Variants in EIF4EBP2 observed in about 807,000 individuals in gnomAD.
EIF4EBP2 encodes eukaryotic translation initiation factor 4E-binding protein 2.
In EIF4EBP2, 5 loss-of-function variants were observed where a neutral mutation model predicts 10.3. That is an observed-to-expected ratio of 0.48 (90% CI 0.25 to 1.02). EIF4EBP2 has a LOEUF of 1.02. Among genes scored for constraint, EIF4EBP2 ranks in the 50% least tolerant of loss-of-function variants. The probability of loss-of-function intolerance (pLI) is 0.15; values close to 1 mark genes in which losing one functional copy is unlikely to be tolerated. For missense variants in EIF4EBP2, 188 were observed against 162.2 expected (o/e 1.16, Z -0.86); for synonymous variants, 67 against 61.1 (o/e 1.10, Z -0.45).
At chr10:70,410,915 G>C (rs921186450) in intron 1 of EIF4EBP2, among the ~76,000 whole-genome samples, 11 of 152,152 alleles carry the variant, frequency 7.2e-5, no homozygotes, top group Admixed American at 6.5e-4. Context: ...TTAATTCAAT[G>C]TCTAGGCTTG....
intron 1 of EIF4EBP2, among the ~76,000 whole-genome samples, chr10:70,408,625 G>A (rs1845009103): frequency 6.6e-6 from 1 of 152,230 alleles, no homozygotes; most frequent in Non-Finnish European, 1.5e-5. Context: ...CAACCAGGGT[G>A]CAATAGTTTG....
intron 1 of EIF4EBP2, among the ~76,000 whole-genome samples, chr10:70,405,035 C>G (rs772926001): frequency 1.3e-5 from 2 of 152,230 alleles, no homozygotes; most frequent in Admixed American, 1.3e-4. Context: ...CGGGAGGAGG[C>G]TGGAATGCGG....
At chr10:70,411,337 C>T (rs975244077) in intron 1 of EIF4EBP2, among the ~76,000 whole-genome samples, 3 of 151,928 alleles carry the variant, frequency 2.0e-5, no homozygotes, top group African/African-American at 7.3e-5. Flanking sequence ...ATTGTCCTTT[C>T]GTAAATGAAC....
Position 70,421,803 on chromosome 10 carries a change from T to C in EIF4EBP2, c.*56T>C. On this transcript the variant is annotated 3_prime_UTR_variant, in exon 3 of 3. Coordinates refer to ENST00000373218, the MANE Select transcript of EIF4EBP2 (RefSeq NM_004096.5). ...AACACTGATACTTGTGTGCACCTGATTTGGCCAATAGGATCAACAGTGAAA... is the reference window on the plus strand; with the variant it reads ...AACACTGATACTTGTGTGCACCTGACTTGGCCAATAGGATCAACAGTGAAA... The C allele has an allele frequency of 1.3e-6, 2 of 1,567,822 alleles. No homozygotes were observed. The highest frequency in any genetic ancestry group is 2.2e-5 in the South Asian group (2 of 89,592).
chr10:70,414,105 GA>G (rs1338054157), intron 1 of EIF4EBP2, among the ~76,000 whole-genome samples: 17 of 152,148 alleles, frequency 1.1e-4, no homozygotes, highest in Non-Finnish European at 2.5e-4. Flanking sequence ...TTTTTTAATA[GA>G]TTGTCTTGGA....
chr10:70,419,757 T>C (rs1193743964), intron 1 of EIF4EBP2, among the ~76,000 whole-genome samples, 157 bp from the exon 2 acceptor site: 1 of 152,172 alleles, frequency 6.6e-6, no homozygotes, highest in Non-Finnish European at 1.5e-5. Context: ...CAGAAGAGCC[T>C]GTTTACAGGC....
chr10:70,416,098 T>G (rs1270117965), intron 1 of EIF4EBP2, among the ~76,000 whole-genome samples: 1 of 152,158 alleles, frequency 6.6e-6, no homozygotes, highest in Non-Finnish European at 1.5e-5. Flanking sequence ...AGAAGATATG[T>G]GGTGGAATGG....
Position 70,421,996 on chromosome 10 carries a change from G to C in EIF4EBP2, c.*249G>C. 1 of 486,734 alleles carries C rather than the reference G, an allele frequency of 2.1e-6. No homozygotes were observed. Among genetic ancestry groups the C allele is most frequent in the South Asian group, 3.9e-5 (1 of 25,432 alleles). 30.2% of individuals were successfully genotyped at this position (486,734 alleles called of 1,614,324 possible). A position where few individuals can be genotyped will look rare whatever the true frequency, so the allele number is the denominator to read the frequency against. On this transcript the variant is annotated 3_prime_UTR_variant, in exon 3 of 3. Coordinates refer to ENST00000373218, the MANE Select transcript of EIF4EBP2 (RefSeq NM_004096.5). ...GATTGAAGGCCCTTGCTGTATTTCT[G>C]TAGAGCTAAGCAGCCCTTAGAGGAA...
At chr10:70,409,076 C>G (rs1232983014) in intron 1 of EIF4EBP2, among the ~76,000 whole-genome samples, 1 of 152,132 alleles carries the variant, frequency 6.6e-6, no homozygotes, top group Non-Finnish European at 1.5e-5. Flanking sequence ...TAGAGTTTCT[C>G]CCCCTTGAAG....
intron 2 of EIF4EBP2, among the ~76,000 whole-genome samples, chr10:70,420,806 G>GT (rs1274035141): frequency 1.3e-5 from 2 of 151,928 alleles, no homozygotes; most frequent in Non-Finnish European, 2.9e-5. Flanking sequence ...GTTTTGTTTT[G>GT]TTTTTTGAGA....
intron 1 of EIF4EBP2, among the ~76,000 whole-genome samples, chr10:70,410,818 T>C (rs1845036659): frequency 6.6e-6 from 1 of 152,244 alleles, no homozygotes; most frequent in African/African-American, 2.4e-5. Flanking sequence ...CATCTTTTGG[T>C]GGGCCCTTAT....
intron 1 of EIF4EBP2, among the ~76,000 whole-genome samples, chr10:70,418,480 G>A (rs776011591): frequency 2.6e-5 from 4 of 152,190 alleles, no homozygotes; most frequent in Non-Finnish European, 5.9e-5. Context: ...ACTCTGTATA[G>A]TGATGTTCAG....
At chr10:70,408,950 C>T (rs1312327402) in intron 1 of EIF4EBP2, among the ~76,000 whole-genome samples, 1 of 151,644 alleles carries the variant, frequency 6.6e-6, no homozygotes, top group African/African-American at 2.4e-5. Flanking sequence ...CCTCAAACTT[C>T]TAGAAATCTT....
chr10:70,415,396 C>T (rs1156413579), intron 1 of EIF4EBP2, among the ~76,000 whole-genome samples: 1 of 152,176 alleles, frequency 6.6e-6, no homozygotes, highest in African/African-American at 2.4e-5. Flanking sequence ...ACATTCAGCA[C>T]AGTCCCTATC....
chr10:70,414,238 G>A (rs1845070926), intron 1 of EIF4EBP2, among the ~76,000 whole-genome samples: 2 of 152,104 alleles, frequency 1.3e-5, no homozygotes, highest in South Asian at 4.1e-4. Flanking sequence ...TTTTTAAAAG[G>A]TCAGTTTCTT....
chr10:70,421,950 C>T lies in EIF4EBP2; in HGVS notation c.*203C>T. 1.8e-6 allele frequency: 1 copy of T among 568,288 alleles called. No homozygotes were observed. The highest frequency in any genetic ancestry group is 1.9e-5 in the African/African-American group (1 of 53,738). The allele number at this position is 568,288 out of a possible 1,614,324, so 35.2% of individuals were successfully genotyped here. On this transcript the variant is annotated 3_prime_UTR_variant, in exon 3 of 3. Transcript: ENST00000373218. ...ATTTCTTCTCCCTGTCTCCTGTTCC[C>T]CTTCCCAGTTAAACAGGTTAGATTG...
chr10:70,412,966 C>A (rs1845060333), intron 1 of EIF4EBP2, among the ~76,000 whole-genome samples: 1 of 152,094 alleles, frequency 6.6e-6, no homozygotes, highest in Admixed American at 6.5e-5. Context: ...GGGTAAAATG[C>A]CAGTAGACAG....
At position 70,409,337 on chromosome 10, in the gene EIF4EBP2, G is replaced by A. The variant is rs570800384; in HGVS notation, c.145+4791G>A. On this transcript the variant is annotated intron_variant, in intron 1 of 2. Transcript: ENST00000373218. ...TTTTCTATCTGCCTGTGGAGGAGTG[G>A]GGATGATATTTGGTTCTTCCATTGA... Among the ~76,000 whole-genome samples the A allele has an allele frequency of 7.2e-5, 11 of 152,212 alleles. No individual in the cohort carries two copies. In the South Asian group the frequency reaches 2.3e-3, roughly 32 times the overall value.
At chr10:70,412,745 A>G (rs1422867260) in intron 1 of EIF4EBP2, among the ~76,000 whole-genome samples, 1 of 152,194 alleles carries the variant, frequency 6.6e-6, no homozygotes, top group Non-Finnish European at 1.5e-5. Flanking sequence ...TTTTACTCTC[A>G]TATTTCCCTA....
Sources: allele counts gnomAD v4.1 joint callset (sites outside exome capture counted in the v4.1 genomes callset), GRCh38; gene constraint gnomAD v4.1.1; transcripts MANE v1.5; gene names NCBI Gene and HGNC (gene_info 2026-07-23, HGNC 2026-07-21).